Variants in ABHD2 observed in about 807,000 individuals in gnomAD.
The protein encoded by ABHD2 is monoacylglycerol lipase ABHD2.
A neutral mutation model predicts 48.1 loss-of-function variants in ABHD2; 20 were observed. That is an observed-to-expected ratio of 0.42 (90% CI 0.29 to 0.60). The LOEUF (loss-of-function observed/expected upper bound fraction) is 0.60, where lower values mean the gene tolerates loss of function less well. Ranked by LOEUF, ABHD2 falls within the 20% of genes least tolerant of loss-of-function variation. The probability of loss-of-function intolerance (pLI) is 0.24; values close to 1 mark genes in which losing one functional copy is unlikely to be tolerated. For synonymous variants in ABHD2, 209 were observed against 214.2 expected, an observed-to-expected ratio of 0.98 and a Z score of 0.21; for missense variants, 405 against 550.9, an observed-to-expected ratio of 0.74 and a Z score of 2.65.
At chr15:89,128,552 T>C (rs1184650677) in intron 3 of ABHD2, among the ~76,000 whole-genome samples, 1 of 152,214 alleles carries the variant, frequency 6.6e-6, no homozygotes, top group African/African-American at 2.4e-5. Flanking sequence ...TAGACTTTGA[T>C]TGTCTCTCTT....
chr15:89,077,396 A>G, the ABHD2 span, among the ~76,000 whole-genome samples: 1 of 152,178 alleles, frequency 6.6e-6, no homozygotes, highest in South Asian at 2.1e-4. Flanking sequence ...GTTGATGGAC[A>G]TTTGGACAGT....
At chr15:89,127,339 T>C (rs1157928884) in intron 3 of ABHD2, among the ~76,000 whole-genome samples, 1 of 152,042 alleles carries the variant, frequency 6.6e-6, no homozygotes, top group African/African-American at 2.4e-5. Flanking sequence ...TCCAAAACAT[T>C]TGGGAACCCT....
At chr15:89,138,714 C>A (rs1208050761) in intron 3 of ABHD2, among the ~76,000 whole-genome samples, 1 of 152,102 alleles carries the variant, frequency 6.6e-6, no homozygotes, top group Non-Finnish European at 1.5e-5. Context: ...TAATATAGAA[C>A]ATTTTGACAG....
chr15:89,145,192 G>C (rs182134121), intron 3 of ABHD2, among the ~76,000 whole-genome samples: 3 of 152,326 alleles, frequency 2.0e-5, no homozygotes, highest in Non-Finnish European at 4.4e-5. Context: ...GGAGGTGAAG[G>C]TTGCAGTGAG....
At position 89,151,410 on chromosome 15, in the gene ABHD2, A is replaced by G. The variant is rs925882046; in HGVS notation, c.195-267A>G. Among the ~76,000 whole-genome samples, 3 of 152,232 alleles carry G rather than the reference A, an allele frequency of 2.0e-5. No homozygotes were observed. Among genetic ancestry groups the G allele is most frequent in the African/African-American group, 7.2e-5 (3 of 41,464 alleles). ...ATATTATGGAAATAAGCCATGTTGA[A>G]TTACTTAACAGTTACCCTAAATTGA... is the stretch of plus-strand genomic sequence containing the variant. On this transcript the variant is annotated intron_variant, in intron 3 of 10. Transcript: ENST00000352732. The surrounding 1 kb of genome is among the most constrained non-coding windows in gnomAD (Gnocchi z 4.7).
upstream of ABHD2, among the ~76,000 whole-genome samples, chr15:89,085,669 A>C (rs1324747438): frequency 2.6e-5 from 4 of 152,224 alleles, no homozygotes; most frequent in African/African-American, 7.2e-5. The surrounding 1 kb of genome is among the most constrained non-coding windows in gnomAD (Gnocchi z 4.2). Context: ...CTTTTCTGGA[A>C]CTGGTGGCTG....
chr15:89,191,235 G>C (rs2239287), intron 9 of ABHD2, 86 bp downstream of exon 9: 10 of 1,384,918 alleles, frequency 7.2e-6, no homozygotes, highest in Non-Finnish European at 9.1e-6. Flanking sequence ...GAATTTTCCT[G>C]GTGGAAGCTC....
At chr15:89,095,681 G>A (rs542864360) in intron 1 of ABHD2, among the ~76,000 whole-genome samples, 28 of 152,202 alleles carry the variant, frequency 1.8e-4, no homozygotes, top group Admixed American at 9.2e-4. Context: ...CCTCTCTTCC[G>A]TGTCCCCACC....
At chr15:89,162,194 A>G (rs2050772952) in intron 5 of ABHD2, among the ~76,000 whole-genome samples, 1 of 152,200 alleles carries the variant, frequency 6.6e-6, no homozygotes, top group Admixed American at 6.5e-5. Context: ...AGCCCATAAC[A>G]TAACAGAAGC....
chr15:89,172,176 A>T (rs2050940739), intron 5 of ABHD2, among the ~76,000 whole-genome samples: 1 of 152,204 alleles, frequency 6.6e-6, no homozygotes, highest in African/African-American at 2.4e-5. Flanking sequence ...ATTTCATCCT[A>T]ACCATTTTTA....
chr15:89,101,677 G>A (rs2049703020), intron 1 of ABHD2, among the ~76,000 whole-genome samples: 1 of 152,222 alleles, frequency 6.6e-6, no homozygotes, highest in Non-Finnish European at 1.5e-5. Context: ...CTTTTATGCA[G>A]AGAAGAGACT....
At chr15:89,192,025 C>A (rs1262173859) in intron 9 of ABHD2, among the ~76,000 whole-genome samples, 2 of 152,172 alleles carry the variant, frequency 1.3e-5, no homozygotes, top group African/African-American at 4.8e-5. Flanking sequence ...CCAAAATCTC[C>A]ATATGTTTGT....
upstream of ABHD2, among the ~76,000 whole-genome samples, chr15:89,084,880 G>A (rs1901328720): frequency 6.6e-6 from 1 of 152,100 alleles, no homozygotes; most frequent in Non-Finnish European, 1.5e-5. This position sits in a 1 kb window ranked among gnomAD's most constrained non-coding sequence, Gnocchi z 4.4. Context: ...AGAAAGTAGG[G>A]CACAGAGATG....
the ABHD2 span, among the ~76,000 whole-genome samples, chr15:89,043,272 G>C: frequency 6.6e-6 from 1 of 152,098 alleles, no homozygotes; most frequent in Non-Finnish European, 1.5e-5. Context: ...AGAAGAGCTG[G>C]GGTTTGGGCT....
At chr15:89,107,520 T>C (rs563081412) in intron 1 of ABHD2, among the ~76,000 whole-genome samples, 2 of 152,274 alleles carry the variant, frequency 1.3e-5, no homozygotes, top group Non-Finnish European at 2.9e-5. Flanking sequence ...GTGGAGATGG[T>C]AATAGCGAAT....
intron 3 of ABHD2, among the ~76,000 whole-genome samples, chr15:89,131,293 A>G (rs536084358): frequency 1.3e-5 from 2 of 152,158 alleles, no homozygotes; most frequent in Non-Finnish European, 1.5e-5. Context: ...TCTCTTGACT[A>G]TGTCTTACAT....
Position 89,100,860 on chromosome 15 carries a change from T to C in ABHD2, c.-107+12297T>C, listed in dbSNP as rs528032827. 2.6e-5 allele frequency among the ~76,000 whole-genome samples: 4 copies of C among 152,002 alleles called. No individual in the cohort carries two copies. Among genetic ancestry groups the C allele is most frequent in the Non-Finnish European group, 5.9e-5 (4 of 68,002 alleles). Reference sequence around the variant, plus strand: ...TCCACCCTGGGCCACAGTGAGAGACTCCATCTCAAAAAAAAAGGAACCTTA... The same window carrying C: ...TCCACCCTGGGCCACAGTGAGAGACCCCATCTCAAAAAAAAAGGAACCTTA... On this transcript the variant is annotated intron_variant, in intron 1 of 10. Coordinates refer to ENST00000352732, the MANE Select transcript of ABHD2 (RefSeq NM_152924.5). The surrounding 1 kb of genome is among the most constrained non-coding windows in gnomAD (Gnocchi z 4.4).
At chr15:89,078,733 T>C in the ABHD2 span, among the ~76,000 whole-genome samples, 6 of 151,222 alleles carry the variant, frequency 4.0e-5, no homozygotes, top group Non-Finnish European at 7.4e-5. Context: ...GGCTTTTTTT[T>C]TTTCTTTTTT....
Position 89,173,352 on chromosome 15 carries a change from C to G in ABHD2, c.539-2460C>G, listed in dbSNP as rs1390086333. Among the ~76,000 whole-genome samples the G allele has an allele frequency of 6.6e-6, 1 of 152,204 alleles. No individual in the cohort carries two copies. Among genetic ancestry groups the G allele is most frequent in the Non-Finnish European group, 1.5e-5 (1 of 68,038 alleles). ...CTTTGGGAGGCGGAGGCAGGCAGAT[C>G]ACCTGAGGTCAGGAGTTCAAGACCA... On this transcript the variant is annotated intron_variant, in intron 5 of 10. Transcript: ENST00000352732. The surrounding 1 kb of genome is among the most constrained non-coding windows in gnomAD (Gnocchi z 6.5).
Sources: allele counts gnomAD v4.1 joint callset (sites outside exome capture counted in the v4.1 genomes callset), GRCh38; gene constraint gnomAD v4.1.1; non-coding constraint Gnocchi (gnomAD v3.1); transcripts MANE v1.5; gene names NCBI Gene and HGNC (gene_info 2026-07-23, HGNC 2026-07-21).